The following KANSL1 variants were observed in gnomAD, a reference collection of about 807,000 sequenced individuals.
KANSL1 encodes MLL1/MLL complex subunit KANSL1.
In KANSL1, 22 loss-of-function variants were observed where a neutral mutation model predicts 103.6. That is an observed-to-expected ratio of 0.21 (90% CI 0.15 to 0.30). KANSL1 has a LOEUF of 0.30. Ranked by LOEUF, KANSL1 falls within the 10% of genes least tolerant of loss-of-function variation. The pLI is 1.00. For missense variants in KANSL1, 1,337 were observed against 1,399.8 expected, an observed-to-expected ratio of 0.96 and a Z score of 0.72; for synonymous variants, 600 against 527.6, an observed-to-expected ratio of 1.14 and a Z score of -1.88.
chr17:46,083,887 G>C (rs1323594300), intron 3 of KANSL1, among the ~76,000 whole-genome samples: 1 of 152,124 alleles, frequency 6.6e-6, no homozygotes, highest in Non-Finnish European at 1.5e-5. Flanking sequence ...CACTAAACCA[G>C]ATGATCCATC....
intron 2 of KANSL1, among the ~76,000 whole-genome samples, chr17:46,143,930 A>C (rs2044563334): frequency 6.6e-6 from 1 of 152,190 alleles, no homozygotes; most frequent in Non-Finnish European, 1.5e-5. Context: ...TGGAGCTAGA[A>C]CTTGAAGTCT....
intron 4 of KANSL1, among the ~76,000 whole-genome samples, chr17:46,071,477 C>T (rs1356654406): frequency 1.3e-5 from 2 of 152,184 alleles, no homozygotes; most frequent in Non-Finnish European, 2.9e-5. Context: ...AAAAACATAA[C>T]ACACAAACAC....
intron 2 of KANSL1, among the ~76,000 whole-genome samples, chr17:46,127,477 G>GTT (rs769461544): frequency 4.0e-4 from 61 of 152,316 alleles, no homozygotes; most frequent in Non-Finnish European, 7.9e-4. Flanking sequence ...AAAAGAAACA[G>GTT]TTTTAAACAG....
chr17:46,171,364 A>AC lies in KANSL1; in HGVS notation c.779dup (p.Val261CysfsTer6), dbSNP rs748018297. ...GAGACTTTTTACCCTCCAATTTGACACCCCCCAAGTTAGAGCTGGAGTCTG... is the reference window on the plus strand; with the variant it reads ...GAGACTTTTTACCCTCCAATTTGACACCCCCCCAAGTTAGAGCTGGAGTCTG... On this transcript the variant is annotated frameshift_variant, in exon 2 of 15. Coordinates refer to ENST00000432791, the MANE Select transcript of KANSL1 (RefSeq NM_015443.4). LOFTEE classifies it high-confidence loss of function. The AC allele has an allele frequency of 8.7e-6, 14 of 1,613,610 alleles. No homozygotes were observed. The South Asian group carries it at 8.8e-5, about 10-fold the overall frequency.
Position 46,105,596 on chromosome 17 carries a change from CAA to C in KANSL1, c.1290-10897_1290-10896del, listed in dbSNP as rs1420522033. ...CGCCATTGCACTCCAGACCAGGTGACAAGAGTGAAACCCTGTCTCAAAAAAAC... is the reference window on the plus strand; with the variant it reads ...CGCCATTGCACTCCAGACCAGGTGACGAGTGAAACCCTGTCTCAAAAAAAC... On this transcript the variant is annotated intron_variant, in intron 2 of 14. Coordinates refer to ENST00000432791, the MANE Select transcript of KANSL1 (RefSeq NM_015443.4). Among the ~76,000 whole-genome samples the C allele has an allele frequency of 2.6e-5, 4 of 152,080 alleles. No individual in the cohort carries two copies. The East Asian group carries it at 7.7e-4, about 29-fold the overall frequency.
intron 6 of KANSL1, among the ~76,000 whole-genome samples, chr17:46,061,711 G>GC (rs1432648589): frequency 6.6e-6 from 1 of 152,090 alleles, no homozygotes; most frequent in East Asian, 1.9e-4. Flanking sequence ...AGTTGTAGAG[G>GC]CCTTAGACTA....
intron 4 of KANSL1, among the ~76,000 whole-genome samples, chr17:46,070,357 T>C (rs1298359237): frequency 6.6e-6 from 1 of 152,150 alleles, no homozygotes; most frequent in African/African-American, 2.4e-5. Context: ...AAAATATACA[T>C]ACACAGATAA....
intron 2 of KANSL1, among the ~76,000 whole-genome samples, chr17:46,096,143 T>TTTTTA (rs2042052968): frequency 6.9e-6 from 1 of 144,566 alleles, no homozygotes; most frequent in Non-Finnish European, 1.6e-5. Flanking sequence ...TGTATTTTTT[T>TTTTTA]TTTTTTTTTC....
At chr17:46,184,028 C>T (rs2046910351) in intron 1 of KANSL1, among the ~76,000 whole-genome samples, 1 of 152,240 alleles carries the variant, frequency 6.6e-6, no homozygotes, top group South Asian at 2.1e-4. Flanking sequence ...CTTCCTCCTG[C>T]TCCTCAACAT....
chr17:46,168,065 G>T (rs1189815403), intron 2 of KANSL1, among the ~76,000 whole-genome samples: 3 of 152,182 alleles, frequency 2.0e-5, no homozygotes, highest in Admixed American at 6.5e-5. Context: ...CTGGAAGGGT[G>T]GGGGGAGCCA....
intron 6 of KANSL1, among the ~76,000 whole-genome samples, chr17:46,051,965 T>C (rs1204934436): frequency 6.6e-6 from 1 of 152,130 alleles, no homozygotes; most frequent in Non-Finnish European, 1.5e-5. Context: ...TAGAAGCCAC[T>C]GAAAGGGAGT....
At chr17:46,144,201 T>C (rs1183217953) in intron 2 of KANSL1, among the ~76,000 whole-genome samples, 3 of 152,236 alleles carry the variant, frequency 2.0e-5, no homozygotes, top group African/African-American at 4.8e-5. Flanking sequence ...AGTTTAAAAA[T>C]TCCCATTACT....
chr17:46,130,187 C>CAAAAAAAAAAAAAAAAA lies in KANSL1; in HGVS notation c.1290-35503_1290-35487dup, dbSNP rs35017603. Among the ~76,000 whole-genome samples, 690 of 75,252 alleles carry CAAAAAAAAAAAAAAAAA rather than the reference C, an allele frequency of 9.2e-3. 30 individuals carry two copies. Among genetic ancestry groups the CAAAAAAAAAAAAAAAAA allele is most frequent in the Non-Finnish European group, 0.014 (529 of 36,808 alleles). The allele number at this position is 75,252 out of a possible 152,430, so 49.4% of individuals were successfully genotyped here. ...GGGCAAAAGAATGAGATCCTGTCTCCAAAAAAAAAAAAAAAAAAAAAGGAA... is the reference window on the plus strand; with the variant it reads ...GGGCAAAAGAATGAGATCCTGTCTCCAAAAAAAAAAAAAAAAAAAAAAAAAAAAAAAAAAAAAAGGAA... On this transcript the variant is annotated intron_variant, in intron 2 of 14. Transcript: ENST00000432791.
intron 2 of KANSL1, chr17:46,121,321 T>C (rs781453668): frequency 1.3e-5 from 2 of 152,462 alleles, no homozygotes; most frequent in Non-Finnish European, 2.9e-5. Flanking sequence ...TGTCTCCACC[T>C]ACCTCAGTTC....
At chr17:46,140,050 C>T (rs1322799859) in intron 2 of KANSL1, among the ~76,000 whole-genome samples, 1 of 152,132 alleles carries the variant, frequency 6.6e-6, no homozygotes. Flanking sequence ...TGAAAGTAAT[C>T]CCTTCCCTTC....
chr17:46,100,239 A>G (rs1181548496), intron 2 of KANSL1, among the ~76,000 whole-genome samples: 3 of 152,070 alleles, frequency 2.0e-5, no homozygotes, highest in Non-Finnish European at 4.4e-5. Flanking sequence ...AAGACTTCTC[A>G]TTGGTGAAAT....
In KANSL1 at chr17:46,039,734, T is replaced by C; in HGVS notation, c.2171A>G (p.His724Arg). 6.2e-7 allele frequency: 1 copy of C among 1,614,190 alleles called. No individual in the cohort carries two copies. Among genetic ancestry groups the C allele is most frequent in the South Asian group, 1.1e-5 (1 of 91,086 alleles). Residue 724 changes from histidine (H) to arginine (R), a missense_variant, in exon 8 of 15, where the codon CAC (histidine) becomes CGC (arginine). Coordinates refer to ENST00000432791, the MANE Select transcript of KANSL1 (RefSeq NM_015443.4). Reference sequence around the variant, plus strand: ...TGTTAGGAAGGAGCTGACCAATTTGTGCCTGTCCTTACGAGCTGAATCTGG... The same window carrying C: ...TGTTAGGAAGGAGCTGACCAATTTGCGCCTGTCCTTACGAGCTGAATCTGG... The part of the protein sequence containing the change: ...SLPDSARKDR[H>R]KLVSSFLTTA...
intron 3 of KANSL1, among the ~76,000 whole-genome samples, chr17:46,083,308 G>C (rs17660017): frequency 0.14 from 21,800 of 152,008 alleles, 2,135 homozygotes; most frequent in Non-Finnish European, 0.22. Context: ...ACAAAAATAA[G>C]GCTATGACAC....
chr17:46,194,526 G>GTAA, upstream of KANSL1, among the ~76,000 whole-genome samples: 1 of 152,222 alleles, frequency 6.6e-6, no homozygotes, highest in Non-Finnish European at 1.5e-5. Flanking sequence ...TAAACATAAT[G>GTAA]TAATACAAAG....
Sources: allele counts gnomAD v4.1 joint callset (sites outside exome capture counted in the v4.1 genomes callset), GRCh38; gene constraint gnomAD v4.1.1; transcripts MANE v1.5; gene names NCBI Gene and HGNC (gene_info 2026-07-23, HGNC 2026-07-21).